Variants in TBC1D32 observed in about 807,000 individuals in gnomAD.
TBC1D32 encodes TBC1 domain family member 32.
A neutral mutation model predicts 170.3 loss-of-function variants in TBC1D32; 151 were observed. That is an observed-to-expected ratio of 0.89 (90% CI 0.78 to 1.01). The LOEUF is 1.01. Among genes scored for constraint, TBC1D32 ranks in the 50% least tolerant of loss-of-function variants. The probability of loss-of-function intolerance (pLI) is 0.00; values close to 1 mark genes in which losing one functional copy is unlikely to be tolerated. For missense variants in TBC1D32, 1,464 were observed against 1,457.1 expected (o/e 1.00, Z -0.08); for synonymous variants, 498 against 488.0 (o/e 1.02, Z -0.27).
Position 121,255,374 on chromosome 6 carries a change from C to A in TBC1D32, c.1972G>T (p.Glu658Ter), listed in dbSNP as rs779929168. 6.5e-7 allele frequency: 1 copy of A among 1,530,384 alleles called. No individual in the cohort carries two copies. Among genetic ancestry groups the A allele is most frequent in the Non-Finnish European group, 8.8e-7 (1 of 1,142,158 alleles). The allele number at this position is 1,530,384 out of a possible 1,614,324, so 94.8% of individuals were successfully genotyped here. A position where few individuals can be genotyped will look rare whatever the true frequency, so the allele number is the denominator to read the frequency against. The change falls in exon 17 of 32, where the codon GAG becomes TAG. Residue 658 changes from glutamate to a stop codon, truncating the protein, a stop_gained. Transcript: ENST00000398212. LOFTEE classifies it high-confidence loss of function. ...LLSERIPTPVEGSDSVSSVSQ... is the reference protein window; with the variant it reads ...LLSERIPTPV ...ACTGAAGAAACAGAATCAGAACCCT[C>A]TACTGGAGTAGGAATTCTTTCTGAT...
chr6:121,241,333 A>C (rs1583355131), intron 19 of TBC1D32, 132 bp downstream of exon 19: 2 of 712,216 alleles, frequency 2.8e-6, no homozygotes, highest in South Asian at 4.0e-5. Flanking sequence ...TTTCTTTTAC[A>C]TAAGGTCTAA....
chr6:121,208,670 G>C (rs1280111583), intron 21 of TBC1D32, among the ~76,000 whole-genome samples: 3 of 118,234 alleles, frequency 2.5e-5, no homozygotes, highest in African/African-American at 8.8e-5. Flanking sequence ...AGAAAAAATA[G>C]ACATGTAAAG....
At chr6:121,211,491 C>CT (rs1407231720) in intron 21 of TBC1D32, among the ~76,000 whole-genome samples, 1 of 152,068 alleles carries the variant, frequency 6.6e-6, no homozygotes, top group East Asian at 1.9e-4. Flanking sequence ...TTGAGTCCCC[C>CT]AAGTCCACTG....
intron 24 of TBC1D32, among the ~76,000 whole-genome samples, chr6:121,139,071 C>T (rs1782475332): frequency 6.6e-6 from 1 of 152,166 alleles, no homozygotes; most frequent in African/African-American, 2.4e-5. Context: ...TGGTCTCCAT[C>T]TCCTGACCTT....
At chr6:121,301,109 A>T (rs1806404632) in intron 9 of TBC1D32, among the ~76,000 whole-genome samples, 1 of 152,188 alleles carries the variant, frequency 6.6e-6, no homozygotes, top group Admixed American at 6.5e-5. Flanking sequence ...AAATTAGTTC[A>T]ACCATTGTGG....
chr6:121,310,229 T>G (rs962346527), intron 4 of TBC1D32, among the ~76,000 whole-genome samples: 2 of 152,050 alleles, frequency 1.3e-5, no homozygotes, highest in African/African-American at 2.4e-5. Flanking sequence ...TCTTGAAAAC[T>G]GCTAAGAGAG....
At chr6:121,155,232 T>C (rs1353077983) in intron 24 of TBC1D32, among the ~76,000 whole-genome samples, 1 of 152,062 alleles carries the variant, frequency 6.6e-6, no homozygotes, top group African/African-American at 2.4e-5. Context: ...GTTAGATGCA[T>C]TCCTAGGCTT....
chr6:121,228,114 T>C (rs1328258946), intron 20 of TBC1D32, among the ~76,000 whole-genome samples: 3 of 152,142 alleles, frequency 2.0e-5, no homozygotes, highest in Non-Finnish European at 2.9e-5. Context: ...TGTGGAATCA[T>C]TAGTCTTACC....
At chr6:121,320,576 G>A (rs1186790281) in intron 2 of TBC1D32, among the ~76,000 whole-genome samples, 1 of 151,874 alleles carries the variant, frequency 6.6e-6, no homozygotes, top group Non-Finnish European at 1.5e-5. Flanking sequence ...TTCTGTTTTT[G>A]GTTTTCTCAA....
At chr6:121,270,321 C>A (rs891983131) in intron 15 of TBC1D32, among the ~76,000 whole-genome samples, 20 of 152,092 alleles carry the variant, frequency 1.3e-4, no homozygotes, top group Middle Eastern at 3.4e-3. Context: ...ATCAATGAAT[C>A]CAGGAGCTGG....
intron 10 of TBC1D32, among the ~76,000 whole-genome samples, chr6:121,298,591 C>T (rs1583632755): frequency 6.6e-6 from 1 of 152,024 alleles, no homozygotes; most frequent in African/African-American, 2.4e-5. Flanking sequence ...TATTTAAATT[C>T]AATTTCTTTA....
intron 1 of TBC1D32, among the ~76,000 whole-genome samples, chr6:121,330,578 C>T (rs1811084576): frequency 6.6e-6 from 1 of 152,180 alleles, no homozygotes; most frequent in South Asian, 2.1e-4. Flanking sequence ...CTATTTCTCA[C>T]TGAAATGCCA....
intron 21 of TBC1D32, among the ~76,000 whole-genome samples, chr6:121,213,494 TAA>T (rs1399037746): frequency 0.048 from 190 of 3,976 alleles, 5 homozygotes; most frequent in African/African-American, 0.077. Context: ...TAAAATAAAA[TAA>T]AATAAAATAA....
intron 24 of TBC1D32, among the ~76,000 whole-genome samples, chr6:121,159,412 T>C (rs1402241294): frequency 6.6e-6 from 1 of 152,204 alleles, no homozygotes; most frequent in Non-Finnish European, 1.5e-5. Context: ...CATTACTTTT[T>C]TTTTAATCAA....
rs759677081 is a variant in TBC1D32, at chr6:121,126,462, C to T, written c.2900-1G>A. 6 of 1,602,094 alleles carry T rather than the reference C, an allele frequency of 3.7e-6. No individual in the cohort carries two copies. The East Asian group carries it at 1.3e-4, about 36-fold the overall frequency. On this transcript the variant is annotated splice_acceptor_variant, in intron 25 of 31. Coordinates refer to ENST00000398212, the MANE Select transcript of TBC1D32 (RefSeq NM_152730.6). LOFTEE classifies it high-confidence loss of function. ...AATTTTTCAAGTAATTCTATTAAGG[C>T]TGTAATAAACAAAGGAATAATTAGG...
At chr6:121,327,405 C>G (rs747993164) in intron 1 of TBC1D32, among the ~76,000 whole-genome samples, 1 of 152,170 alleles carries the variant, frequency 6.6e-6, no homozygotes, top group Non-Finnish European at 1.5e-5. Flanking sequence ...TATATCTAAT[C>G]CCAAAGATTG....
At chr6:121,278,822 T>A (rs544341814) in intron 15 of TBC1D32, among the ~76,000 whole-genome samples, 25 of 152,028 alleles carry the variant, frequency 1.6e-4, no homozygotes, top group African/African-American at 6.0e-4. Flanking sequence ...AAATAGGAAC[T>A]AGAGGAGGAA....
chr6:121,303,797 T>C, intron 8 of TBC1D32, 36 bp from the exon 9 acceptor site: 1 of 1,406,306 alleles, frequency 7.1e-7, no homozygotes, highest in East Asian at 2.4e-5. Flanking sequence ...CAATTACACA[T>C]ATAGTTCTGG....
chr6:121,171,684 A>T (rs751048371), intron 22 of TBC1D32, among the ~76,000 whole-genome samples: 2 of 152,192 alleles, frequency 1.3e-5, no homozygotes, highest in Non-Finnish European at 2.9e-5. Context: ...GAGGGAGATG[A>T]AACAAGACTG....
Sources: gnomAD v4.1 joint callset for allele counts (sites outside exome capture counted in the v4.1 genomes callset) on GRCh38, gnomAD v4.1.1 for gene constraint, MANE v1.5 for transcripts, NCBI Gene and HGNC (gene_info 2026-07-23, HGNC 2026-07-21) for gene names.